The following PTBP3 variants were observed in gnomAD, a reference collection of about 807,000 sequenced individuals.
The protein encoded by PTBP3 is polypyrimidine tract binding protein 3.
Under a neutral mutation model 58.7 loss-of-function variants are expected in PTBP3, and 20 were observed. The ratio of observed to expected loss-of-function variants is 0.34; its 90% confidence interval spans 0.24 to 0.50. The LOEUF (loss-of-function observed/expected upper bound fraction) is 0.50. PTBP3 is among the 20% of genes least tolerant of loss of function. PTBP3 has a pLI of 0.98. For missense variants in PTBP3, 509 were observed against 637.2 expected (o/e 0.80, Z 2.17); for synonymous variants, 185 against 219.8 (o/e 0.84, Z 1.40).
At chr9:112,357,672 A>AT in the PTBP3 span, among the ~76,000 whole-genome samples, 471 of 150,254 alleles carry the variant, frequency 3.1e-3, 3 homozygotes, top group African/African-American at 0.01. Context: ...CTTTATAGCA[A>AT]TTTTTTTTTT....
chr9:112,282,497 T>A (rs1827914025), intron 2 of PTBP3, among the ~76,000 whole-genome samples: 1 of 152,166 alleles, frequency 6.6e-6, no homozygotes, highest in Non-Finnish European at 1.5e-5. Context: ...AATATAAACA[T>A]TTAAAACTAC....
intron 7 of PTBP3, among the ~76,000 whole-genome samples, chr9:112,236,755 A>G (rs867048814): frequency 3.3e-5 from 5 of 152,130 alleles, no homozygotes; most frequent in South Asian, 4.1e-4. Flanking sequence ...ACATGTTCAC[A>G]TGTTACTTCT....
intron 5 of PTBP3, among the ~76,000 whole-genome samples, chr9:112,259,563 C>T (rs1046031108): frequency 2.0e-5 from 3 of 152,152 alleles, no homozygotes; most frequent in Non-Finnish European, 4.4e-5. Context: ...ATCTTCACAT[C>T]CTATAAGCCT....
At chr9:112,379,136 C>T in the PTBP3 span, among the ~76,000 whole-genome samples, 1 of 152,186 alleles carries the variant, frequency 6.6e-6, no homozygotes, top group Non-Finnish European at 1.5e-5. Flanking sequence ...TTACAATGAG[C>T]CGAGATCCGC....
At chr9:112,235,361 G>A (rs1027529570) in intron 7 of PTBP3, among the ~76,000 whole-genome samples, 1 of 152,174 alleles carries the variant, frequency 6.6e-6, no homozygotes, top group African/African-American at 2.4e-5. Flanking sequence ...ATTGGAGTAA[G>A]AAGTGATCAC....
At chr9:112,318,776 G>A (rs1420627408) in intron 1 of PTBP3, among the ~76,000 whole-genome samples, 1 of 150,498 alleles carries the variant, frequency 6.6e-6, no homozygotes, top group Non-Finnish European at 1.5e-5. Context: ...AAAAAAAATT[G>A]AGATATTGTT....
chr9:112,289,375 G>T (rs1828277623), intron 2 of PTBP3, among the ~76,000 whole-genome samples: 1 of 151,898 alleles, frequency 6.6e-6, no homozygotes, highest in South Asian at 2.1e-4. Context: ...TCTTTAAAAA[G>T]AGGCCATTTA....
intron 1 of PTBP3, among the ~76,000 whole-genome samples, chr9:112,324,638 A>T (rs1830085903): frequency 6.7e-6 from 1 of 149,412 alleles, no homozygotes. Context: ...TGACAGAGCG[A>T]GACTACCTCT....
Position 112,333,564 on chromosome 9 carries a change from G to A in PTBP3, c.-146C>T, listed in dbSNP as rs1354793877. ...GGCGGCGGCAGCAGGGCGGTTCCGG[G>A]GACAAGCGAGCTTTGGCTCTGCGGA... On this transcript the variant is annotated 5_prime_UTR_variant, in exon 1 of 14. Transcript: ENST00000374257. 1.0e-5 allele frequency: 15 copies of A among 1,493,190 alleles called. No individual in the cohort carries two copies. The highest frequency in any genetic ancestry group is 1.4e-5 in the African/African-American group (1 of 69,318). 92.5% of individuals were successfully genotyped at this position (1,493,190 alleles called of 1,614,324 possible).
chr9:112,231,387 G>A lies in PTBP3; in HGVS notation c.1047C>T (p.Ile349=). ...TAGCAAAAATGAACTTACCAAATAG[G>A]ATAAAAAGCCCATGTGGTGTGATAA... ...PDLITPHGLF[I]LFGVYGDVHR... The change falls in exon 10 of 14, where the codon ATC becomes ATT. Residue 349 remains isoleucine, a synonymous_variant. Transcript: ENST00000374257. 3 of 1,592,388 alleles carry A rather than the reference G, an allele frequency of 1.9e-6. No individual in the cohort carries two copies. Among genetic ancestry groups the A allele is most frequent in the Non-Finnish European group, 2.6e-6 (3 of 1,167,086 alleles).
intron 8 of PTBP3, among the ~76,000 whole-genome samples, chr9:112,234,279 TAA>T (rs1268120606): frequency 6.6e-6 from 1 of 152,170 alleles, no homozygotes; most frequent in Non-Finnish European, 1.5e-5. Context: ...CTCCATTAGC[TAA>T]AGAGACAAAA....
the PTBP3 span, among the ~76,000 whole-genome samples, chr9:112,364,067 A>C: frequency 6.6e-6 from 1 of 151,874 alleles, no homozygotes; most frequent in Non-Finnish European, 1.5e-5. Context: ...CCTCTTCAGA[A>C]TGTCATATAT....
chr9:112,237,279 T>C (rs535304453), intron 7 of PTBP3, among the ~76,000 whole-genome samples: 8 of 152,266 alleles, frequency 5.3e-5, no homozygotes, highest in African/African-American at 1.4e-4. Context: ...AAACATCATA[T>C]AGCAAAGTAA....
intron 10 of PTBP3, among the ~76,000 whole-genome samples, chr9:112,230,213 C>T (rs559910980): frequency 6.6e-6 from 1 of 151,934 alleles, no homozygotes; most frequent in Non-Finnish European, 1.5e-5. Context: ...ATAATCCCAG[C>T]TACTTGGAAG....
chr9:112,313,122 C>T (rs1300616380), intron 1 of PTBP3, among the ~76,000 whole-genome samples: 2 of 152,104 alleles, frequency 1.3e-5, no homozygotes, highest in East Asian at 1.9e-4. Context: ...ATAAAGATAA[C>T]ATGATCATAT....
chr9:112,324,933 GA>G (rs745614141), intron 1 of PTBP3, among the ~76,000 whole-genome samples: 50 of 152,214 alleles, frequency 3.3e-4, no homozygotes, highest in Admixed American at 2.4e-3. Flanking sequence ...AAAAACAGTT[GA>G]ACAATTTCTT....
chr9:112,346,302 G>T, the PTBP3 span, among the ~76,000 whole-genome samples: 1 of 152,062 alleles, frequency 6.6e-6, no homozygotes, highest in Admixed American at 6.5e-5. Context: ...CGAGTAGCTG[G>T]GACAAAGGTG....
chr9:112,224,949 C>T (rs1834926777), intron 12 of PTBP3, among the ~76,000 whole-genome samples: 1 of 152,196 alleles, frequency 6.6e-6, no homozygotes, highest in South Asian at 2.1e-4. Flanking sequence ...CCAGTTAAAA[C>T]CTTCAGATGA....
At chr9:112,256,272 A>AATATATAT (rs1186696553) in intron 5 of PTBP3, among the ~76,000 whole-genome samples, 4 of 82,930 alleles carry the variant, frequency 4.8e-5, no homozygotes, top group South Asian at 3.3e-4. Flanking sequence ...AAAAAAACAA[A>AATATATAT]ATATATATAT....
Sources: gnomAD v4.1 joint callset for allele counts (sites outside exome capture counted in the v4.1 genomes callset) on GRCh38, gnomAD v4.1.1 for gene constraint, MANE v1.5 for transcripts, NCBI Gene and HGNC (gene_info 2026-07-23, HGNC 2026-07-21) for gene names.